Variants in ZNF385D observed in about 807,000 individuals in gnomAD.
ZNF385D encodes the protein zinc finger protein 659.
Under a neutral mutation model 35.8 loss-of-function variants are expected in ZNF385D, and 15 were observed. The ratio of observed to expected loss-of-function variants is 0.42; its 90% CI spans 0.28 to 0.64. The LOEUF (loss-of-function observed/expected upper bound fraction) is 0.64. Ranked by LOEUF, ZNF385D falls within the 30% of genes least tolerant of loss-of-function variation. ZNF385D has a pLI of 0.23. For synonymous variants in ZNF385D, 212 were observed against 186.8 expected (o/e 1.13, Z -1.10); for missense variants, 474 against 494.6 (o/e 0.96, Z 0.39).
intron 2 of ZNF385D, among the ~76,000 whole-genome samples, chr3:22,301,945 TTCA>T (rs1426317086): frequency 1.1e-4 from 17 of 152,116 alleles, no homozygotes; most frequent in African/African-American, 4.1e-4. Context: ...GTATTTCTTC[TTCA>T]TATTGTTTCA....
intron 3 of ZNF385D, among the ~76,000 whole-genome samples, chr3:22,165,874 C>T (rs1706282524): frequency 6.6e-6 from 1 of 152,128 alleles, no homozygotes; most frequent in African/African-American, 2.4e-5. Flanking sequence ...ATTTTCTGAC[C>T]TACTTCAAGT....
chr3:22,281,946 G>A (rs1701766744), intron 2 of ZNF385D, among the ~76,000 whole-genome samples: 1 of 151,952 alleles, frequency 6.6e-6, no homozygotes, highest in Non-Finnish European at 1.5e-5. Context: ...TCTGTTCAGA[G>A]TTTCTATTTC....
intron 4 of ZNF385D, among the ~76,000 whole-genome samples, chr3:21,509,453 A>G (rs1005270442): frequency 2.5e-4 from 38 of 152,234 alleles, no homozygotes; most frequent in African/African-American, 7.2e-4. Flanking sequence ...TAAAGCAGGT[A>G]GTCTTCGATT....
intron 4 of ZNF385D, among the ~76,000 whole-genome samples, chr3:21,477,334 A>G (rs1305255743): frequency 6.6e-6 from 1 of 152,126 alleles, no homozygotes; most frequent in Non-Finnish European, 1.5e-5. Context: ...AGGCAGAGGC[A>G]GAAGAATCAC....
At chr3:22,148,568 G>C (rs1705013567) in intron 3 of ZNF385D, among the ~76,000 whole-genome samples, 1 of 152,180 alleles carries the variant, frequency 6.6e-6, no homozygotes, top group South Asian at 2.1e-4. Context: ...GTAAACAAGT[G>C]AAACTCAGTT....
At chr3:22,013,276 C>T (rs181829980) in intron 3 of ZNF385D, among the ~76,000 whole-genome samples, 1 of 152,000 alleles carries the variant, frequency 6.6e-6, no homozygotes, top group Non-Finnish European at 1.5e-5. Flanking sequence ...TAATAATAGT[C>T]CAGGTTATTA....
At chr3:21,758,941 A>G (rs1041847311) in intron 3 of ZNF385D, among the ~76,000 whole-genome samples, 1 of 146,168 alleles carries the variant, frequency 6.8e-6, no homozygotes, top group Non-Finnish European at 1.5e-5. Flanking sequence ...TCACTCATAG[A>G]AAGCCAAATC....
At chr3:21,608,446 T>G (rs189059715) in intron 2 of ZNF385D, among the ~76,000 whole-genome samples, 2 of 152,356 alleles carry the variant, frequency 1.3e-5, no homozygotes, top group Admixed American at 1.3e-4. Flanking sequence ...GTTAAAAATA[T>G]GAACTCTGTA....
chr3:21,671,935 C>A (rs2066589420), intron 1 of ZNF385D, among the ~76,000 whole-genome samples: 1 of 151,976 alleles, frequency 6.6e-6, no homozygotes, highest in African/African-American at 2.4e-5. Context: ...GTTTCAAAAC[C>A]CCTCAAATTT....
chr3:21,576,569 C>T (rs1157727083), intron 2 of ZNF385D, among the ~76,000 whole-genome samples: 8 of 152,252 alleles, frequency 5.3e-5, no homozygotes, highest in Non-Finnish European at 8.8e-5. Context: ...TTGTTACCAA[C>T]GCAATTTGTC....
rs545921266 is a variant in ZNF385D at position 22,365,982 on chromosome 3, ATTT to A, written c.106+6465_106+6467del. Among the ~76,000 whole-genome samples the A allele has an allele frequency of 2.0e-4, 31 of 152,166 alleles. No individual in the cohort carries two copies. The South Asian group carries it at 5.4e-3, about 26-fold the overall frequency. ...AAGCATCATTAGTTGGGGATTCAGG[ATTT>A]TTATTTGTGAAAATTTCAGAAACAA... On this transcript the variant is annotated intron_variant, in intron 2 of 5. Transcript: ENST00000494108.
At position 22,195,413 on chromosome 3, in the gene ZNF385D, T is replaced by C. The variant is rs562778821; in HGVS notation, c.107-26378A>G. Among the ~76,000 whole-genome samples, 188 of 152,130 alleles carry C rather than the reference T, an allele frequency of 1.2e-3. 1 individual carries two copies. The highest frequency in any genetic ancestry group is 4.3e-3 in the African/African-American group (178 of 41,578). Reference sequence around the variant, plus strand: ...TTTTTCTTTCTAGATATAAGTCTTTTATTGGCAGGGCCACCCTGAAGGTCA... The same window carrying C: ...TTTTTCTTTCTAGATATAAGTCTTTCATTGGCAGGGCCACCCTGAAGGTCA... On this transcript the variant is annotated intron_variant, in intron 2 of 5. Coordinates refer to the ZNF385D transcript ENST00000494108.
At chr3:21,805,375 T>C (rs914525262) in intron 3 of ZNF385D, among the ~76,000 whole-genome samples, 2 of 152,206 alleles carry the variant, frequency 1.3e-5, no homozygotes, top group African/African-American at 4.8e-5. Context: ...ATTGCAGTTT[T>C]CACCATGTGG....
intron 3 of ZNF385D, among the ~76,000 whole-genome samples, chr3:21,758,975 CAAAAAAAAAAAAAAAAAAAAA>C (rs58450064): frequency 3.4e-5 from 1 of 29,222 alleles, no homozygotes; most frequent in African/African-American, 1.4e-4. Context: ...TCATCACTGG[CAAAAAAAAAAAAAAAAAAAAA>C]AAAAAAAAAA....
chr3:22,236,464 C>T (rs916894475), intron 2 of ZNF385D, among the ~76,000 whole-genome samples: 2 of 152,044 alleles, frequency 1.3e-5, no homozygotes, highest in Admixed American at 6.6e-5. Context: ...CCCAAGTCAT[C>T]GAGATTACAG....
In ZNF385D at chr3:22,123,958, C is replaced by T. The variant is rs4044491; in HGVS notation, c.325+44859G>A. 7.4e-3 allele frequency among the ~76,000 whole-genome samples: 594 copies of T among 79,780 alleles called. 7 individuals carry two copies. The highest frequency in any genetic ancestry group is 0.014 in the Non-Finnish European group (493 of 35,978). 52.3% of individuals were successfully genotyped at this position (79,780 alleles called of 152,430 possible). On this transcript the variant is annotated intron_variant, in intron 3 of 5. Coordinates refer to the ZNF385D transcript ENST00000494108. ...TCTCTCTCTCTCTCTCTCTCTCTCT[C>T]TCTCTATATATATATATATATATAT...
intron 2 of ZNF385D, among the ~76,000 whole-genome samples, chr3:22,329,689 C>A (rs1198213572): frequency 1.3e-5 from 2 of 152,172 alleles, no homozygotes; most frequent in African/African-American, 4.8e-5. Flanking sequence ...TAGATCAACA[C>A]TGTCCACTAG....
At chr3:22,227,509 C>A (rs954441094) in intron 2 of ZNF385D, among the ~76,000 whole-genome samples, 2 of 152,152 alleles carry the variant, frequency 1.3e-5, no homozygotes, top group African/African-American at 4.8e-5. Flanking sequence ...CATTTTGACA[C>A]AGTTGTCTTG....
chr3:22,239,584 C>A (rs904072863), intron 2 of ZNF385D, among the ~76,000 whole-genome samples: 1 of 150,384 alleles, frequency 6.6e-6, no homozygotes, highest in Non-Finnish European at 1.5e-5. Context: ...CAGACTATTC[C>A]TGTATTTTAT....
Sources: allele counts gnomAD v4.1 joint callset (sites outside exome capture counted in the v4.1 genomes callset), GRCh38; gene constraint gnomAD v4.1.1; transcripts MANE v1.5; gene names NCBI Gene and HGNC (gene_info 2026-07-23, HGNC 2026-07-21).